Variants in FBXW11 observed in about 807,000 individuals in gnomAD.
The protein encoded by FBXW11 is F-box/WD repeat-containing protein 11.
In FBXW11, 19 loss-of-function variants were observed where a neutral mutation model predicts 77.6. That is an observed-to-expected ratio of 0.24 (90% CI 0.17 to 0.36). The LOEUF (loss-of-function observed/expected upper bound fraction) is 0.36. FBXW11 is among the 10% of genes least tolerant of loss of function. FBXW11 has a pLI of 1.00. For missense variants in FBXW11, 334 were observed against 704.2 expected, an observed-to-expected ratio of 0.47 and a Z score of 5.95; for synonymous variants, 235 against 249.4, an observed-to-expected ratio of 0.94 and a Z score of 0.54.
intron 2 of FBXW11, among the ~76,000 whole-genome samples, chr5:171,921,493 T>A (rs775658643): frequency 6.6e-5 from 10 of 152,146 alleles, no homozygotes; most frequent in Non-Finnish European, 1.3e-4. Flanking sequence ...TCTTAGGTGT[T>A]TTCCAACTGC....
chr5:171,972,955 A>T (rs973120890), intron 1 of FBXW11, among the ~76,000 whole-genome samples: 2 of 152,226 alleles, frequency 1.3e-5, no homozygotes, highest in African/African-American at 4.8e-5. Context: ...TTGCTTCACC[A>T]TCTATCATAA....
intron 1 of FBXW11, among the ~76,000 whole-genome samples, chr5:171,962,245 T>C (rs1329917930): frequency 6.6e-6 from 1 of 152,200 alleles, no homozygotes; most frequent in East Asian, 1.9e-4. Flanking sequence ...ACTAAGCCTC[T>C]TTCCCCTTAA....
At chr5:171,965,984 C>T (rs1764166566) in intron 1 of FBXW11, among the ~76,000 whole-genome samples, 1 of 152,128 alleles carries the variant, frequency 6.6e-6, no homozygotes, top group African/African-American at 2.4e-5. Flanking sequence ...CCCCTTCTCA[C>T]CCTCTCTCCT....
chr5:171,866,196 C>T (rs529615403), intron 13 of FBXW11, among the ~76,000 whole-genome samples: 2 of 150,446 alleles, frequency 1.3e-5, no homozygotes, highest in Non-Finnish European at 2.9e-5. Context: ...GCCTGGGAGG[C>T]GGAGGTTGCA....
At chr5:172,004,256 T>C (rs923504783) in intron 1 of FBXW11, among the ~76,000 whole-genome samples, 1 of 152,234 alleles carries the variant, frequency 6.6e-6, no homozygotes, top group Admixed American at 6.5e-5. Flanking sequence ...ATGATAAGGG[T>C]TGTCTAAGAG....
At position 171,876,997 on chromosome 5, in the gene FBXW11, G is replaced by A. The variant is rs1261596727; in HGVS notation, c.972-463C>T. On this transcript the variant is annotated intron_variant, in intron 8 of 13. Transcript: ENST00000517395. This position sits in a 1 kb window ranked among gnomAD's most constrained non-coding sequence, Gnocchi z 4.2. ...ACCCCTTTTCTTTATAAATTACCCA[G>A]CCTCGGGTATTCCTTTATAGCAATA... 6.6e-6 allele frequency among the ~76,000 whole-genome samples: 1 copy of A among 152,106 alleles called. No homozygotes were observed. The highest frequency in any genetic ancestry group is 2.4e-5 in the African/African-American group (1 of 41,410).
Position 171,982,156 on chromosome 5 carries a change from T to C in FBXW11, c.45+24302A>G, listed in dbSNP as rs576283724. 3.3e-5 allele frequency among the ~76,000 whole-genome samples: 5 copies of C among 152,178 alleles called. No homozygotes were observed. The South Asian group carries it at 6.2e-4, about 19-fold the overall frequency. ...GTACACTTAAAATGAGTGGATTTTATTGAATGTAAACCATAATAAAGCTGA... is the reference window on the plus strand; with the variant it reads ...GTACACTTAAAATGAGTGGATTTTACTGAATGTAAACCATAATAAAGCTGA... On this transcript the variant is annotated intron_variant, in intron 1 of 13. Coordinates refer to ENST00000517395, the MANE Select transcript of FBXW11 (RefSeq NM_001378974.1).
intron 1 of FBXW11, among the ~76,000 whole-genome samples, chr5:171,976,486 A>T (rs1474369566): frequency 6.6e-6 from 1 of 152,168 alleles, no homozygotes; most frequent in Non-Finnish European, 1.5e-5. Context: ...TCCTCCAAAA[A>T]GCATGTGTTG....
chr5:171,920,154 C>T (rs910831243), intron 2 of FBXW11, among the ~76,000 whole-genome samples: 1 of 151,666 alleles, frequency 6.6e-6, no homozygotes, highest in African/African-American at 2.4e-5. Context: ...CAGAGCGAGA[C>T]TCTGTCTCAA....
chr5:171,955,015 A>G (rs1389623445), intron 2 of FBXW11, among the ~76,000 whole-genome samples: 1 of 152,226 alleles, frequency 6.6e-6, no homozygotes, highest in Non-Finnish European at 1.5e-5. Context: ...CTCAGTTTCC[A>G]TATCAGAAAA....
intron 1 of FBXW11, among the ~76,000 whole-genome samples, chr5:171,969,428 A>T (rs1442507776): frequency 6.6e-6 from 1 of 152,252 alleles, no homozygotes; most frequent in Admixed American, 6.5e-5. Context: ...TAGTCAGACT[A>T]CATCATATTT....
chr5:171,885,209 T>G (rs1758798286), intron 7 of FBXW11, among the ~76,000 whole-genome samples: 1 of 152,244 alleles, frequency 6.6e-6, no homozygotes, highest in Non-Finnish European at 1.5e-5. Context: ...AGTATAGTTT[T>G]AAAAGTTTCT....
chr5:171,968,888 T>C (rs1450199925), intron 1 of FBXW11, among the ~76,000 whole-genome samples: 2 of 152,196 alleles, frequency 1.3e-5, no homozygotes, highest in Non-Finnish European at 2.9e-5. Context: ...GAGATCCTGA[T>C]TGTCCTCTAA....
chr5:171,921,450 G>A (rs1561685693), intron 2 of FBXW11, among the ~76,000 whole-genome samples: 2 of 152,174 alleles, frequency 1.3e-5, no homozygotes, highest in East Asian at 1.9e-4. Flanking sequence ...GTTCTACTCA[G>A]AAATCAATGT....
intron 2 of FBXW11, among the ~76,000 whole-genome samples, chr5:171,923,619 C>A (rs1761714085): frequency 6.6e-6 from 1 of 152,096 alleles, no homozygotes; most frequent in Non-Finnish European, 1.5e-5. Context: ...CTGGAGACTG[C>A]AATCCATTAT....
chr5:171,901,913 G>T (rs1760141855), intron 4 of FBXW11, among the ~76,000 whole-genome samples: 1 of 152,172 alleles, frequency 6.6e-6, no homozygotes, highest in Admixed American at 6.5e-5. Flanking sequence ...TGCATGATGG[G>T]CTAAAGTACT....
intron 2 of FBXW11, among the ~76,000 whole-genome samples, chr5:171,940,323 A>G (rs1429945279): frequency 6.6e-6 from 1 of 152,238 alleles, no homozygotes; most frequent in Non-Finnish European, 1.5e-5. Flanking sequence ...TTTCTAATAC[A>G]TAGAACAAGG....
At chr5:171,972,892 C>T (rs1360159705) in intron 1 of FBXW11, among the ~76,000 whole-genome samples, 1 of 152,184 alleles carries the variant, frequency 6.6e-6, no homozygotes, top group Non-Finnish European at 1.5e-5. Context: ...AATGTGTCAT[C>T]ATTGACTTTG....
chr5:171,998,334 G>GTTTTTTTTT (rs1766187822), intron 1 of FBXW11, among the ~76,000 whole-genome samples: 7 of 107,860 alleles, frequency 6.5e-5, no homozygotes, highest in Admixed American at 4.9e-4. Flanking sequence ...TTTTTTTCTT[G>GTTTTTTTTT]TCTTTTTTTT....
Sources: allele counts gnomAD v4.1 joint callset (sites outside exome capture counted in the v4.1 genomes callset), GRCh38; gene constraint gnomAD v4.1.1; non-coding constraint Gnocchi (gnomAD v3.1); transcripts MANE v1.5; gene names NCBI Gene and HGNC (gene_info 2026-07-23, HGNC 2026-07-21).